ARSG: variants seen among roughly 807,000 people sequenced by gnomAD.
ARSG encodes ASG.
In ARSG, 37 loss-of-function variants were observed where a neutral mutation model predicts 50.5. The ratio of observed to expected loss-of-function variants is 0.73; its 90% confidence interval spans 0.56 to 0.96. ARSG has a LOEUF of 0.96. ARSG is among the 50% of genes least tolerant of loss of function. The pLI is 0.00. For synonymous variants in ARSG, 225 were observed against 254.6 expected, an observed-to-expected ratio of 0.88 and a Z score of 1.11; for missense variants, 629 against 675.3, an observed-to-expected ratio of 0.93 and a Z score of 0.76.
At chr17:68,291,127 T>A (rs2075970017), upstream of ARSG, 1 of 152,128 alleles carries the variant, frequency 6.6e-6, no homozygotes, top group South Asian at 2.1e-4. Flanking sequence ...AGGCTCCCAA[T>A]AAGGCGGAGG....
intron 2 of ARSG, among the ~76,000 whole-genome samples, chr17:68,309,278 C>T (rs1190067014): frequency 1.3e-5 from 2 of 152,244 alleles, no homozygotes; most frequent in Non-Finnish European, 2.9e-5. Context: ...CCCCAGTTCC[C>T]GCTCGCGCCT....
chr17:68,280,312 C>T (rs564558391), intron 1 of ARSG, among the ~76,000 whole-genome samples: 92 of 151,168 alleles, frequency 6.1e-4, no homozygotes, highest in African/African-American at 2.0e-3. Flanking sequence ...TATGGAACCA[C>T]AAAAGATCAT....
chr17:68,275,135 A>G (rs959109672), intron 1 of ARSG, among the ~76,000 whole-genome samples: 20 of 152,220 alleles, frequency 1.3e-4, no homozygotes, highest in Admixed American at 2.0e-4. Flanking sequence ...GCACTCCTGA[A>G]GGAGAGTTGC....
the ARSG span, among the ~76,000 whole-genome samples, chr17:68,432,323 T>G: frequency 1.3e-5 from 2 of 152,218 alleles, no homozygotes; most frequent in Non-Finnish European, 2.9e-5. Context: ...TAATCACACA[T>G]GCCTTTAAAA....
chr17:68,291,284 C>G (rs1464892086), upstream of ARSG: 1 of 150,630 alleles, frequency 6.6e-6, no homozygotes, highest in East Asian at 2.0e-4. Flanking sequence ...ACTCGGGCAC[C>G]CGAGCCACAC....
chr17:68,435,858 G>A, the ARSG span: 2 of 713,942 alleles, frequency 2.8e-6, no homozygotes, highest in Non-Finnish European at 4.8e-6. Context: ...CTGCATGTAA[G>A]CTGTGTGTCA....
At chr17:68,412,766 C>T (rs1308654252) in intron 11 of ARSG, among the ~76,000 whole-genome samples, 3 of 152,276 alleles carry the variant, frequency 2.0e-5, no homozygotes, top group Admixed American at 6.5e-5. Flanking sequence ...ACCAATCAGA[C>T]GTAGATTTGG....
the ARSG span, chr17:68,435,843 G>C: frequency 8.8e-6 from 7 of 793,916 alleles, no homozygotes; most frequent in Admixed American, 2.2e-5. Context: ...TGTCCCCCAG[G>C]CCATCTGCAT....
intron 2 of ARSG, among the ~76,000 whole-genome samples, chr17:68,309,803 G>C (rs917552813): frequency 4.0e-5 from 6 of 151,714 alleles, no homozygotes; most frequent in Non-Finnish European, 5.9e-5. Flanking sequence ...AGGTTGCAGT[G>C]AGCTGAGATC....
chr17:68,448,667 C>T, the ARSG span, among the ~76,000 whole-genome samples: 15 of 152,096 alleles, frequency 9.9e-5, no homozygotes, highest in Non-Finnish European at 2.2e-4. Flanking sequence ...TTGAGGGTTC[C>T]GGTCTTTACA....
the ARSG span, chr17:68,428,903 T>A: frequency 6.2e-7 from 1 of 1,614,160 alleles, no homozygotes; most frequent in Non-Finnish European, 8.5e-7. Flanking sequence ...GTCCACTGGA[T>A]GACGCAACTA....
intron 1 of ARSG, chr17:68,259,499 G>A (rs1423224798): frequency 7.9e-5 from 12 of 152,204 alleles, no homozygotes; most frequent in Non-Finnish European, 1.6e-4. Context: ...CAGTCACTTT[G>A]TAGATTCTGA....
At chr17:68,389,939 C>G (rs2080913501) in intron 9 of ARSG, among the ~76,000 whole-genome samples, 2 of 152,004 alleles carry the variant, frequency 1.3e-5, no homozygotes, top group Non-Finnish European at 2.9e-5. Flanking sequence ...TTACCTACCC[C>G]CCACCTGCAC....
intron 8 of ARSG, among the ~76,000 whole-genome samples, chr17:68,371,397 G>A (rs989424655): frequency 1.3e-5 from 2 of 152,040 alleles, no homozygotes; most frequent in East Asian, 1.9e-4. Flanking sequence ...TGTGAGGAGG[G>A]AGCCAGGTTT....
At chr17:68,435,508 G>T in the ARSG span, 3 of 1,023,420 alleles carry the variant, frequency 2.9e-6, no homozygotes, top group African/African-American at 1.6e-5. Flanking sequence ...TTCTGAGTGG[G>T]CCCAGAGACC....
chr17:68,447,587 C>T, the ARSG span, among the ~76,000 whole-genome samples: 3 of 152,084 alleles, frequency 2.0e-5, no homozygotes, highest in South Asian at 4.2e-4. Context: ...GACTAGGTCT[C>T]GTTACATTGC....
intron 11 of ARSG, among the ~76,000 whole-genome samples, chr17:68,419,832 C>G (rs2082648041): frequency 6.6e-6 from 1 of 150,754 alleles, no homozygotes. Context: ...GTGGTGCATG[C>G]CTGTAGCCCC....
chr17:68,285,643 C>T (rs1174193751), intron 1 of ARSG: 1 of 152,252 alleles, frequency 6.6e-6, no homozygotes, highest in African/African-American at 2.4e-5. Flanking sequence ...GCGCTCCAGC[C>T]TGCGTGACAA....
chr17:68,396,040 G>C (rs1352900629), intron 10 of ARSG, among the ~76,000 whole-genome samples: 1 of 138,780 alleles, frequency 7.2e-6, no homozygotes, highest in East Asian at 2.0e-4. Context: ...ATGGAGTCTT[G>C]CTCTGTCACC....
Sources: gnomAD v4.1 joint callset for allele counts (sites outside exome capture counted in the v4.1 genomes callset) on GRCh38, gnomAD v4.1.1 for gene constraint, MANE v1.5 for transcripts, NCBI Gene and HGNC (gene_info 2026-07-23, HGNC 2026-07-21) for gene names.